The following PITPNM3 variants were observed in gnomAD, a reference collection of about 807,000 sequenced individuals.
PITPNM3 encodes PITPNM family member 3, also known as membrane-associated phosphatidylinositol transfer protein 3.
PITPNM3 carries 26 observed loss-of-function variants against 102.0 expected under a neutral mutation model. The ratio of observed to expected loss-of-function variants is 0.25; its 90% CI spans 0.19 to 0.35. The LOEUF (loss-of-function observed/expected upper bound fraction) is 0.35. PITPNM3 is among the 10% of genes least tolerant of loss of function. PITPNM3 has a pLI of 1.00. For synonymous variants in PITPNM3, 578 were observed against 558.6 expected (o/e 1.03, Z -0.49); for missense variants, 1,083 against 1,346.1 (o/e 0.80, Z 3.06).
rs1206604604 is a variant in PITPNM3 at position 6,451,545 on chromosome 17, A to T, written c.*3793T>A. 1 of 152,238 alleles carries T rather than the reference A, an allele frequency of 6.6e-6. No individual in the cohort carries two copies. Among genetic ancestry groups the T allele is most frequent in the Non-Finnish European group, 1.5e-5 (1 of 68,056 alleles). The allele number at this position is 152,238 out of a possible 1,614,324, so 9.4% of individuals were successfully genotyped here. ...CACAGACAAGGTCAGACTGGCTGCC[A>T]CCACCAAGTAAACAACTAGAAAAGG... On this transcript the variant is annotated 3_prime_UTR_variant, in exon 20 of 20. Transcript: ENST00000262483.
intron 2 of PITPNM3, 78 bp from the exon 3 acceptor site, chr17:6,525,541 G>A: frequency 9.5e-7 from 1 of 1,053,948 alleles, no homozygotes; most frequent in Admixed American, 1.7e-5. Flanking sequence ...ATGTCTGAGG[G>A]ACATTTTCTC....
rs1359413778 is a variant in PITPNM3, at chr17:6,455,186, G to A, written c.*152C>T. ...TCAGGGAGCCCCCCGGGCTCGGGCA[G>A]GATCCCTCCCCGCTCTGGTCGGACA... On this transcript the variant is annotated 3_prime_UTR_variant, in exon 20 of 20. Transcript: ENST00000262483. 1 of 1,062,180 alleles carries A rather than the reference G, an allele frequency of 9.4e-7. No individual in the cohort carries two copies. The allele number at this position is 1,062,180 out of a possible 1,614,324, so 65.8% of individuals were successfully genotyped here.
At chr17:6,508,262 A>G (rs951307416) in intron 3 of PITPNM3, among the ~76,000 whole-genome samples, 1 of 152,256 alleles carries the variant, frequency 6.6e-6, no homozygotes, top group African/African-American at 2.4e-5. Context: ...GTGCGGCCTC[A>G]GCTGCATAAG....
chr17:6,474,505 G>C lies in PITPNM3; in HGVS notation c.1185C>G (p.Ser395=). The change falls in exon 10 of 20, where the codon TCC becomes TCG. Residue 395 remains serine (S), a synonymous_variant. Coordinates refer to ENST00000262483, the MANE Select transcript of PITPNM3 (RefSeq NM_031220.4). ...VSLGRFDFDV[S]DFFLFGSPLG... is the part of the protein sequence containing the mutation. Reference sequence around the variant, plus strand: ...GTGGCGAGCCGAAGAGGAAGAAGTCGGACACATCGAAGTCAAAGCGGCCCA... The same window carrying C: ...GTGGCGAGCCGAAGAGGAAGAAGTCCGACACATCGAAGTCAAAGCGGCCCA... The C allele has an allele frequency of 6.2e-7, 1 of 1,613,376 alleles. No homozygotes were observed. The highest frequency in any genetic ancestry group is 8.5e-7 in the Non-Finnish European group (1 of 1,179,892).
chr17:6,536,087 A>G (rs1909411331), intron 2 of PITPNM3, among the ~76,000 whole-genome samples: 1 of 149,266 alleles, frequency 6.7e-6, no homozygotes, highest in African/African-American at 2.5e-5. Context: ...AAAAAAAAGA[A>G]AAAAAAAAAA....
intron 3 of PITPNM3, among the ~76,000 whole-genome samples, chr17:6,503,788 G>C (rs1205745959): frequency 6.6e-6 from 1 of 152,040 alleles, no homozygotes; most frequent in African/African-American, 2.4e-5. Context: ...GGGAGAGTAC[G>C]GCCTGGCTCC....
At chr17:6,495,491 C>T (rs1406981490) in intron 4 of PITPNM3, among the ~76,000 whole-genome samples, 4 of 152,128 alleles carry the variant, frequency 2.6e-5, no homozygotes, top group South Asian at 2.1e-4. Context: ...CGGGTCCCTT[C>T]GCAACTCCAG....
rs538398561 is a variant in PITPNM3 at position 6,470,540 on chromosome 17, G to A, written c.1625-132C>T. ...GCACGGGTTTGGGCGGGAGCACCCTGGCCTGGAGGAGGCCTGGGGAACGCG... is the reference window on the plus strand; with the variant it reads ...GCACGGGTTTGGGCGGGAGCACCCTAGCCTGGAGGAGGCCTGGGGAACGCG... On this transcript the variant is annotated intron_variant, in intron 12 of 19. Coordinates refer to ENST00000262483, the MANE Select transcript of PITPNM3 (RefSeq NM_031220.4). The surrounding 1 kb of genome is among the most constrained non-coding windows in gnomAD (Gnocchi z 4.8). 3.3e-6 allele frequency: 4 copies of A among 1,221,028 alleles called. No homozygotes were observed. Among genetic ancestry groups the A allele is most frequent in the Admixed American group, 3.8e-5 (2 of 52,850 alleles). 75.6% of individuals were successfully genotyped at this position (1,221,028 alleles called of 1,614,324 possible).
intron 4 of PITPNM3, among the ~76,000 whole-genome samples, chr17:6,493,736 C>T (rs17794287): frequency 0.02 from 3,047 of 152,350 alleles, 108 homozygotes; most frequent in East Asian, 0.16. Flanking sequence ...AAACCTTCAA[C>T]GGCCCAGTGA....
intron 1 of PITPNM3, among the ~76,000 whole-genome samples, chr17:6,540,341 TC>T (rs1313734989): frequency 6.6e-6 from 1 of 152,186 alleles, no homozygotes; most frequent in African/African-American, 2.4e-5. Flanking sequence ...CCAGATAATT[TC>T]AGCCCAAAAC....
At position 6,537,912 on chromosome 17, in the gene PITPNM3, C is replaced by T; in HGVS notation, c.118+75G>A. 1.6e-6 allele frequency: 2 copies of T among 1,260,330 alleles called. No individual in the cohort carries two copies. The highest frequency in any genetic ancestry group is 2.3e-6 in the Non-Finnish European group (2 of 870,758). 78.1% of individuals were successfully genotyped at this position (1,260,330 alleles called of 1,614,324 possible). On this transcript the variant is annotated intron_variant, in intron 2 of 19. Coordinates refer to ENST00000262483, the MANE Select transcript of PITPNM3 (RefSeq NM_031220.4). This position sits in a 1 kb window ranked among gnomAD's most constrained non-coding sequence, Gnocchi z 4.4. ...CGTCTGAGTGGGGAGGGATGCGGAC[C>T]CCCAAATGGGATCTTCTTCTTGAGG...
chr17:6,466,804 C>T (rs1904794885), intron 14 of PITPNM3, among the ~76,000 whole-genome samples: 1 of 151,928 alleles, frequency 6.6e-6, no homozygotes, highest in African/African-American at 2.4e-5. Flanking sequence ...TATACATGGA[C>T]GTTCATAGCA....
At chr17:6,534,199 A>G (rs533438965) in intron 2 of PITPNM3, among the ~76,000 whole-genome samples, 18 of 152,134 alleles carry the variant, frequency 1.2e-4, no homozygotes, top group African/African-American at 2.4e-4. Flanking sequence ...AGGGAGTGAC[A>G]CTTCTTTTGA....
At chr17:6,490,065 G>C (rs1906359523) in intron 4 of PITPNM3, among the ~76,000 whole-genome samples, 1 of 152,060 alleles carries the variant, frequency 6.6e-6, no homozygotes, top group African/African-American at 2.4e-5. Flanking sequence ...GTCCACCCTG[G>C]CCCTGCCTGG....
chr17:6,525,346 A>G lies in PITPNM3; in HGVS notation c.226+10T>C. The G allele has an allele frequency of 6.2e-7, 1 of 1,612,656 alleles. No individual in the cohort carries two copies. The highest frequency in any genetic ancestry group is 8.5e-7 in the Non-Finnish European group (1 of 1,178,644). On this transcript the variant is annotated intron_variant, in intron 3 of 19. Transcript: ENST00000262483. ...TGCACATCCTGGTCATGAGAGAAGC[A>G]GAGTCTCACCTTGATGCTCGTCCAG...
chr17:6,539,604 G>A (rs1057153795), intron 1 of PITPNM3, among the ~76,000 whole-genome samples: 27 of 151,900 alleles, frequency 1.8e-4, no homozygotes, highest in African/African-American at 5.1e-4. Context: ...TTAAAATAGC[G>A]CACACAAAAT....
rs1157150590 is a variant in PITPNM3, at chr17:6,458,773, C to G, written c.2491-1051G>C. Among the ~76,000 whole-genome samples, 1 of 152,018 alleles carries G rather than the reference C, an allele frequency of 6.6e-6. No homozygotes were observed. The highest frequency in any genetic ancestry group is 2.1e-4 in the South Asian group (1 of 4,802). On this transcript the variant is annotated intron_variant, in intron 18 of 19. Coordinates refer to ENST00000262483, the MANE Select transcript of PITPNM3 (RefSeq NM_031220.4). The surrounding 1 kb of genome is among the most constrained non-coding windows in gnomAD (Gnocchi z 5.1). ...TTGCCTCCACCCCGGATTCTCTCAC[C>G]CCTTCATCCTCCTCCCACACCTGCC...
At chr17:6,519,205 C>T (rs1363162754) in intron 3 of PITPNM3, among the ~76,000 whole-genome samples, 61 of 42,782 alleles carry the variant, frequency 1.4e-3, no homozygotes, top group Non-Finnish European at 1.4e-3. Context: ...GGCGCGGTGG[C>T]GGGCGCCTGT....
chr17:6,533,339 C>T (rs183980756), intron 2 of PITPNM3, among the ~76,000 whole-genome samples: 3 of 152,168 alleles, frequency 2.0e-5, no homozygotes, highest in African/African-American at 4.8e-5. Flanking sequence ...ACAGTAATGA[C>T]GTCATTCCCT....
Sources: allele counts gnomAD v4.1 joint callset (sites outside exome capture counted in the v4.1 genomes callset), GRCh38; gene constraint gnomAD v4.1.1; non-coding constraint Gnocchi (gnomAD v3.1); transcripts MANE v1.5; gene names NCBI Gene and HGNC (gene_info 2026-07-23, HGNC 2026-07-21).